C1orf21: variants seen among roughly 807,000 people sequenced by gnomAD.
The protein encoded by C1orf21 is chromosome 1 open reading frame 21, also known as uncharacterized protein C1orf21.
A neutral mutation model predicts 18.7 loss-of-function variants in C1orf21; 3 were observed. That is an observed-to-expected ratio of 0.16 (90% CI 0.07 to 0.42). The LOEUF (loss-of-function observed/expected upper bound fraction) is 0.42. Ranked by LOEUF, C1orf21 falls within the 10% of genes least tolerant of loss-of-function variation. C1orf21 has a pLI of 0.99. For synonymous variants in C1orf21, 41 were observed against 46.4 expected, an observed-to-expected ratio of 0.88 and a Z score of 0.47; for missense variants, 104 against 143.6, an observed-to-expected ratio of 0.72 and a Z score of 1.41.
chr1:184,545,831 A>G (rs1658719909), intron 3 of C1orf21: 1 of 152,040 alleles, frequency 6.6e-6, no homozygotes, highest in Admixed American at 6.5e-5. Flanking sequence ...TTGCTATCCT[A>G]TTTAAAACGC....
In C1orf21 at chr1:184,496,416, AT is replaced by A. The variant is rs560465811; in HGVS notation, c.95-11170del. Among the ~76,000 whole-genome samples the A allele has an allele frequency of 1.2e-4, 19 of 152,264 alleles. No individual in the cohort carries two copies. The South Asian group carries it at 2.3e-3, about 18-fold the overall frequency. On this transcript the variant is annotated intron_variant, in intron 2 of 5. Transcript: ENST00000235307. ...GCCCTACTGCTTTGGCAAATATTTC[AT>A]TGTTTATGTGCTGCCAAGACCCCCG... is the stretch of plus-strand genomic sequence containing the variant.
intron 3 of C1orf21, among the ~76,000 whole-genome samples, chr1:184,545,259 T>G (rs182409617): frequency 1.3e-5 from 2 of 152,314 alleles, no homozygotes; most frequent in East Asian, 3.9e-4. Context: ...TCCATCATAC[T>G]GTGGAATGTG....
At chr1:184,468,901 C>T (rs1329715693) in intron 1 of C1orf21, among the ~76,000 whole-genome samples, 1 of 149,902 alleles carries the variant, frequency 6.7e-6, no homozygotes, top group Non-Finnish European at 1.5e-5. Flanking sequence ...CTGGGCAATA[C>T]AGCAAGACTC....
At chr1:184,413,086 AG>A (rs1455322408) in intron 1 of C1orf21, among the ~76,000 whole-genome samples, 1 of 152,224 alleles carries the variant, frequency 6.6e-6, no homozygotes, top group East Asian at 1.9e-4. Flanking sequence ...AAGATTCCTA[AG>A]AGCAAGTAAA....
intron 1 of C1orf21, among the ~76,000 whole-genome samples, chr1:184,430,171 C>T (rs1436928313): frequency 2.6e-5 from 4 of 151,640 alleles, no homozygotes; most frequent in Non-Finnish European, 5.9e-5. Context: ...AACTGGGGAG[C>T]CTATTTTTTT....
At chr1:184,538,042 T>C (rs1178053640) in intron 3 of C1orf21, among the ~76,000 whole-genome samples, 6 of 152,204 alleles carry the variant, frequency 3.9e-5, no homozygotes, top group African/African-American at 1.4e-4. Flanking sequence ...CTGCCAGAAC[T>C]GTTTTCCACA....
intron 3 of C1orf21, among the ~76,000 whole-genome samples, chr1:184,537,412 T>C (rs757365384): frequency 4.6e-5 from 7 of 152,212 alleles, no homozygotes; most frequent in Non-Finnish European, 1.0e-4. Flanking sequence ...GAATGGCTTG[T>C]TTCACTTAGC....
intron 1 of C1orf21, among the ~76,000 whole-genome samples, chr1:184,474,251 G>T (rs1657537749): frequency 6.6e-6 from 1 of 152,156 alleles, no homozygotes; most frequent in African/African-American, 2.4e-5. Flanking sequence ...TTTATAATTT[G>T]GTGAGAACTC....
chr1:184,460,937 C>T (rs1163279156), intron 1 of C1orf21, among the ~76,000 whole-genome samples: 1 of 151,958 alleles, frequency 6.6e-6, no homozygotes, highest in Non-Finnish European at 1.5e-5. Context: ...CACTGTTTGA[C>T]GTTGAGGACA....
intron 1 of C1orf21, among the ~76,000 whole-genome samples, chr1:184,400,680 TTTG>T (rs140624178): frequency 7.2e-5 from 11 of 151,764 alleles, no homozygotes; most frequent in Non-Finnish European, 1.2e-4. Context: ...TGGGGAATTT[TTTG>T]TTGTTGTTGT....
chr1:184,544,854 C>G (rs1339886375), intron 3 of C1orf21, among the ~76,000 whole-genome samples: 1 of 152,200 alleles, frequency 6.6e-6, no homozygotes, highest in Non-Finnish European at 1.5e-5. Flanking sequence ...CAAGCACACT[C>G]ATGTTTGCTG....
chr1:184,572,804 C>A (rs1192360418), intron 3 of C1orf21, among the ~76,000 whole-genome samples: 1 of 152,032 alleles, frequency 6.6e-6, no homozygotes, highest in Non-Finnish European at 1.5e-5. Context: ...ATACAAAAAT[C>A]AGCCACGCAT....
chr1:184,449,373 A>G (rs1657085686), intron 1 of C1orf21, among the ~76,000 whole-genome samples: 2 of 152,184 alleles, frequency 1.3e-5, no homozygotes, highest in African/African-American at 4.8e-5. Context: ...TACAAAGGAC[A>G]TGAACTCATC....
At chr1:184,435,043 G>A (rs1656837382) in intron 1 of C1orf21, among the ~76,000 whole-genome samples, 1 of 152,198 alleles carries the variant, frequency 6.6e-6, no homozygotes, top group South Asian at 2.1e-4. Context: ...CAGGTTTGGA[G>A]CAATAGAGAA....
intron 3 of C1orf21, among the ~76,000 whole-genome samples, chr1:184,581,700 G>T (rs1659279373): frequency 6.6e-6 from 1 of 151,964 alleles, no homozygotes; most frequent in African/African-American, 2.4e-5. Flanking sequence ...AAATTTGTTG[G>T]TATGCAATTA....
intron 1 of C1orf21, among the ~76,000 whole-genome samples, chr1:184,418,505 T>C (rs1165293287): frequency 6.6e-6 from 1 of 152,224 alleles, no homozygotes; most frequent in Non-Finnish European, 1.5e-5. Context: ...TGAACCACTG[T>C]GCCCGGCGAA....
chr1:184,583,604 C>T (rs1445571522), intron 3 of C1orf21, among the ~76,000 whole-genome samples: 2 of 152,180 alleles, frequency 1.3e-5, no homozygotes, highest in Non-Finnish European at 2.9e-5. Context: ...TGTAAAGGAT[C>T]TTTCTGCTGA....
intron 4 of C1orf21, among the ~76,000 whole-genome samples, chr1:184,596,450 G>C (rs1052754405): frequency 2.6e-5 from 4 of 152,124 alleles, no homozygotes; most frequent in African/African-American, 9.7e-5. Context: ...TCCAACCAGA[G>C]AGTTTCCACA....
Position 184,610,846 on chromosome 1 carries a change from C to CAAA in C1orf21, c.328-8657_328-8655dup, listed in dbSNP as rs201966213. Among the ~76,000 whole-genome samples the CAAA allele has an allele frequency of 8.8e-3, 634 of 72,398 alleles. 11 individuals are homozygous for CAAA. Among genetic ancestry groups the CAAA allele is most frequent in the African/African-American group, 0.03 (601 of 19,946 alleles). 47.5% of individuals were successfully genotyped at this position (72,398 alleles called of 152,430 possible). A position where few individuals can be genotyped will look rare whatever the true frequency, so the allele number is the denominator to read the frequency against. The stretch of plus-strand genomic sequence containing the variant: ...TGAGCAACAGAGCGAGACTCTGACT[C>CAAA]AAAAAAAAAAAAAAAAAGGCTTCTA... On this transcript the variant is annotated intron_variant, in intron 5 of 5. Coordinates refer to ENST00000235307, the MANE Select transcript of C1orf21 (RefSeq NM_030806.4).
Sources: allele counts gnomAD v4.1 joint callset (sites outside exome capture counted in the v4.1 genomes callset), GRCh38; gene constraint gnomAD v4.1.1; transcripts MANE v1.5; gene names NCBI Gene and HGNC (gene_info 2026-07-23, HGNC 2026-07-21).